The following CYB5R3 variants were observed in gnomAD, a reference collection of about 807,000 sequenced individuals.
CYB5R3 encodes the protein NADH-cytochrome b5 reductase 3.
CYB5R3 carries 28 observed loss-of-function variants against 36.5 expected under a neutral mutation model. That is an observed-to-expected ratio of 0.77 (90% CI 0.57 to 1.05). CYB5R3 has a LOEUF of 1.05. Ranked by LOEUF, CYB5R3 falls within the 50% of genes least tolerant of loss-of-function variation. CYB5R3 has a pLI of 0.00. For synonymous variants in CYB5R3, 181 were observed against 159.8 expected (o/e 1.13, Z -1.00); for missense variants, 474 against 408.9 (o/e 1.16, Z -1.37).
chr22:42,637,460 GC>G (rs1284956860), intron 1 of CYB5R3, among the ~76,000 whole-genome samples: 1 of 152,140 alleles, frequency 6.6e-6, no homozygotes, highest in Admixed American at 6.5e-5. Flanking sequence ...AGTAAACTGA[GC>G]CACTTCCCCC....
At chr22:42,634,372 A>C (rs184884929) in intron 2 of CYB5R3, among the ~76,000 whole-genome samples, 1 of 152,222 alleles carries the variant, frequency 6.6e-6, no homozygotes, top group African/African-American at 2.4e-5. Context: ...AAAAACAAAC[A>C]AACAAACAAA....
intron 1 of CYB5R3, 156 bp from the exon 2 acceptor site, chr22:42,637,002 G>C (rs1328528905): frequency 1.9e-6 from 2 of 1,037,926 alleles, no homozygotes; most frequent in Non-Finnish European, 2.9e-6. Flanking sequence ...CATCCATTTT[G>C]GTGCCCACTA....
Position 42,627,625 on chromosome 22 carries a change from C to T in CYB5R3, c.527G>A (p.Gly176Asp), listed in dbSNP as rs377689936. Residue 176 changes from glycine (G) to aspartate (D), a missense_variant, in exon 6 of 9, where the codon GGC becomes GAC. Coordinates refer to ENST00000352397, the MANE Select transcript of CYB5R3 (RefSeq NM_000398.7). ...NPIIRTVKSV[G>D]MIAGGTGITP... ...TGTACCTGTCCCTCCCGCGATCATG[C>T]CCACAGACTTCACTGTCCTGATGAT... 1 of 1,614,136 alleles carries T rather than the reference C, an allele frequency of 6.2e-7. No individual in the cohort carries two copies. Among genetic ancestry groups the T allele is most frequent in the Non-Finnish European group, 8.5e-7 (1 of 1,179,972 alleles).
intron 1 of CYB5R3, 138 bp downstream of exon 1, chr22:42,649,157 C>A: frequency 4.2e-6 from 1 of 238,814 alleles, no homozygotes; most frequent in Non-Finnish European, 7.1e-6. Flanking sequence ...TGGGGCGCGG[C>A]GGGCTGGGCG....
chr22:42,630,964 C>T lies in CYB5R3; in HGVS notation c.251G>A (p.Arg84Gln), dbSNP rs777817919. The T allele has an allele frequency of 4.3e-5, 69 of 1,613,832 alleles. No individual in the cohort carries two copies. The highest frequency in any genetic ancestry group is 5.2e-5 in the Non-Finnish European group (61 of 1,179,980). ...CCGGACGACCAGGTTTCCATCAATT[C>T]GAGCCGAGAGGTAGATGTGCTGGCC... ...PVGQHIYLSA[R>Q]IDGNLVVRPY... Residue 84 changes from arginine (R) to glutamine (Q), a missense_variant, in exon 4 of 9, where the codon CGA becomes CAA. Coordinates refer to ENST00000352397, the MANE Select transcript of CYB5R3 (RefSeq NM_000398.7).
chr22:42,631,191 T>C, intron 3 of CYB5R3, 187 bp downstream of exon 3: 1 of 748,926 alleles, frequency 1.3e-6, no homozygotes, highest in Non-Finnish European at 2.2e-6. Context: ...CTGGTGCCAC[T>C]GCCAGGGACT....
chr22:42,626,335 T>C (rs1928265687), intron 7 of CYB5R3, among the ~76,000 whole-genome samples: 1 of 152,120 alleles, frequency 6.6e-6, no homozygotes, highest in Non-Finnish European at 1.5e-5. Flanking sequence ...AATAAAACCC[T>C]GGTTTGCATC....
chr22:42,644,732 G>A, intron 1 of CYB5R3: 1 of 847,682 alleles, frequency 1.2e-6, no homozygotes, highest in East Asian at 1.2e-4. Context: ...ACATTCACAG[G>A]AAATCACCAT....
intron 4 of CYB5R3, among the ~76,000 whole-genome samples, chr22:42,630,210 G>C (rs1476219153): frequency 6.6e-6 from 1 of 152,122 alleles, no homozygotes; most frequent in East Asian, 1.9e-4. Flanking sequence ...CCTAACGCCT[G>C]CATCTTCTCC....
chr22:42,629,406 G>A (rs1256401934), intron 4 of CYB5R3, among the ~76,000 whole-genome samples: 2 of 152,152 alleles, frequency 1.3e-5, no homozygotes, highest in East Asian at 3.9e-4. Context: ...ACCTGCTAGG[G>A]AGCCACTCTC....
At chr22:42,633,143 C>T (rs1366427001) in intron 2 of CYB5R3, 1 of 152,358 alleles carries the variant, frequency 6.6e-6, no homozygotes, top group African/African-American at 2.4e-5. Flanking sequence ...CTGCGGACCC[C>T]GCAAAGCCAC....
chr22:42,646,124 C>A (rs6002854), intron 1 of CYB5R3, among the ~76,000 whole-genome samples: 3,705 of 152,310 alleles, frequency 0.024, 152 homozygotes, highest in African/African-American at 0.085. Context: ...CCAACCCTCA[C>A]CAGCAGTGGG....
At chr22:42,631,010 C>A (rs747678149) in intron 3 of CYB5R3, 22 bp from the exon 4 acceptor site, 2 of 1,605,252 alleles carry the variant, frequency 1.2e-6, no homozygotes, top group South Asian at 2.2e-5. Flanking sequence ...AACGGGGTCA[C>A]TCTGGGCCAG....
At chr22:42,641,871 G>A (rs1027593019) in intron 1 of CYB5R3, among the ~76,000 whole-genome samples, 1 of 151,944 alleles carries the variant, frequency 6.6e-6, no homozygotes, top group African/African-American at 2.4e-5. Context: ...TGATCCACCC[G>A]CCTCAGCCTC....
At position 42,627,299 on chromosome 22, in the gene CYB5R3, C is replaced by A; in HGVS notation, c.633+5G>T. On this transcript the variant is annotated splice_donor_5th_base_variant and intron_variant, in intron 7 of 8. Coordinates refer to ENST00000352397, the MANE Select transcript of CYB5R3 (RefSeq NM_000398.7). The stretch of plus-strand genomic sequence containing the variant: ...AGTTTCCCCATCATGGGGATGCCCA[C>A]TGACCTGGTTGGCAAAGAGCAGGTG... The A allele has an allele frequency of 3.7e-6, 6 of 1,613,710 alleles. No homozygotes were observed. Among genetic ancestry groups the A allele is most frequent in the Non-Finnish European group, 5.1e-6 (6 of 1,179,776 alleles).
In CYB5R3 at chr22:42,623,985, G is replaced by C. The variant is rs537022487; in HGVS notation, c.634-97C>G. The C allele has an allele frequency of 8.5e-6, 9 of 1,061,012 alleles. No homozygotes were observed. The East Asian group carries it at 2.0e-4, about 23-fold the overall frequency. The allele number at this position is 1,061,012 out of a possible 1,614,324, so 65.7% of individuals were successfully genotyped here. A position where few individuals can be genotyped will look rare whatever the true frequency, so the allele number is the denominator to read the frequency against. On this transcript the variant is annotated intron_variant, in intron 7 of 8. Transcript: ENST00000352397. The stretch of plus-strand genomic sequence containing the variant: ...GCGCCTCGTCATCGCGCCCGCCTGC[G>C]GGCCACACGCTTGCGGAGCTTTCAG...
At chr22:42,640,568 A>G (rs1163218254) in intron 1 of CYB5R3, 1 of 162,302 alleles carries the variant, frequency 6.2e-6, no homozygotes. Flanking sequence ...TAGTAGAGAC[A>G]ATGTTTCGCC....
chr22:42,623,713 G>A (rs977818393), intron 8 of CYB5R3, 76 bp downstream of exon 8: 19 of 1,290,678 alleles, frequency 1.5e-5, no homozygotes, highest in South Asian at 4.7e-5. Flanking sequence ...AAGGCTCAAC[G>A]CCACAAACAG....
At chr22:42,644,660 C>A (rs113006504) in intron 1 of CYB5R3, 14 of 985,442 alleles carry the variant, frequency 1.4e-5, no homozygotes, top group African/African-American at 1.2e-4. Flanking sequence ...ATCGACCTCT[C>A]CCTCAGTCAC....
Sources: gnomAD v4.1 joint callset for allele counts (sites outside exome capture counted in the v4.1 genomes callset) on GRCh38, gnomAD v4.1.1 for gene constraint, MANE v1.5 for transcripts, NCBI Gene and HGNC (gene_info 2026-07-23, HGNC 2026-07-21) for gene names.